DZIP3: variants seen among roughly 807,000 people sequenced by gnomAD.
DZIP3 encodes DAZ interacting zinc finger protein 3.
A neutral mutation model predicts 162.0 loss-of-function variants in DZIP3; 118 were observed. The ratio of observed to expected loss-of-function variants is 0.73; its 90% CI spans 0.63 to 0.85. DZIP3 has a LOEUF of 0.85. Among genes scored for constraint, DZIP3 ranks in the 40% least tolerant of loss-of-function variants. The probability of loss-of-function intolerance (pLI) is 0.00; values close to 1 mark genes in which losing one functional copy is unlikely to be tolerated. For synonymous variants in DZIP3, 438 were observed against 458.6 expected (o/e 0.96, Z 0.57); for missense variants, 1,331 against 1,407.0 (o/e 0.95, Z 0.86).
chr3:108,597,708 C>A (rs1484437029), intron 1 of DZIP3, among the ~76,000 whole-genome samples: 1 of 152,114 alleles, frequency 6.6e-6, no homozygotes, highest in African/African-American at 2.4e-5. Context: ...GTATGCACAC[C>A]TCAGGGGATA....
intron 22 of DZIP3, among the ~76,000 whole-genome samples, chr3:108,672,313 A>G (rs1943952361): frequency 6.6e-6 from 1 of 151,962 alleles, no homozygotes; most frequent in Non-Finnish European, 1.5e-5. Context: ...ATTCATCCTC[A>G]GACAACTTGA....
Position 108,622,880 on chromosome 3 carries a change from C to CTCTCTCTCTGTG in DZIP3, c.376-1563_376-1562insCTCTCTCTGTGT, listed in dbSNP as rs796232998. ...TCTCTCTCTCTCTCTCTCTCTCTCTCTGTGTGTGTGTGTGTGTATGGAGCT... is the reference window on the plus strand; with the variant it reads ...TCTCTCTCTCTCTCTCTCTCTCTCTCTCTCTCTCTGTGTGTGTGTGTGTGTGTGTATGGAGCT... On this transcript the variant is annotated intron_variant, in intron 5 of 32. Coordinates refer to ENST00000361582, the MANE Select transcript of DZIP3 (RefSeq NM_014648.4). Among the ~76,000 whole-genome samples, 327 of 53,070 alleles carry CTCTCTCTCTGTG rather than the reference C, an allele frequency of 6.2e-3. 5 individuals are homozygous for CTCTCTCTCTGTG. The highest frequency in any genetic ancestry group is 8.0e-3 in the Non-Finnish European group (224 of 28,090). The allele number at this position is 53,070 out of a possible 152,430, so 34.8% of individuals were successfully genotyped here.
At chr3:108,635,448 A>C (rs922547846) in intron 10 of DZIP3, 30 of 205,294 alleles carry the variant, frequency 1.5e-4, no homozygotes, top group African/African-American at 5.5e-4. Context: ...TAATATTTAC[A>C]TTTAGTTATA....
intron 21 of DZIP3, 99 bp from the exon 22 acceptor site, chr3:108,669,582 C>A: frequency 1.9e-6 from 2 of 1,029,882 alleles, no homozygotes; most frequent in Non-Finnish European, 2.8e-6. Context: ...CCCAAATGGA[C>A]ATACTTTATC....
intron 8 of DZIP3, among the ~76,000 whole-genome samples, chr3:108,632,037 C>T (rs904973599): frequency 1.5e-4 from 23 of 151,956 alleles, no homozygotes; most frequent in African/African-American, 4.4e-4. Context: ...TACATTGAGC[C>T]GATATTTGTG....
At chr3:108,655,129 A>G (rs777840178) in intron 19 of DZIP3, among the ~76,000 whole-genome samples, 1 of 152,180 alleles carries the variant, frequency 6.6e-6, no homozygotes, top group Non-Finnish European at 1.5e-5. Flanking sequence ...TTCTATAGCC[A>G]TGAGACTATG....
rs543058003 is a variant in DZIP3, at chr3:108,601,623, A to C, written c.-72-3712A>C. Among the ~76,000 whole-genome samples, 5 of 152,242 alleles carry C rather than the reference A, an allele frequency of 3.3e-5. No homozygotes were observed. The South Asian group carries it at 1.0e-3, about 32-fold the overall frequency. On this transcript the variant is annotated intron_variant, in intron 1 of 32. Coordinates refer to ENST00000361582, the MANE Select transcript of DZIP3 (RefSeq NM_014648.4). ...AGGGAGGGAAATTCACGGGACATCC[A>C]CCCACACTTTGAAATGTAAACTTGT...
rs767041095 is a variant in DZIP3 at position 108,688,938 on chromosome 3, T to C, written c.3516+14T>C. The C allele has an allele frequency of 1.3e-5, 21 of 1,611,422 alleles. No homozygotes were observed. The South Asian group carries it at 2.0e-4, about 15-fold the overall frequency. On this transcript the variant is annotated intron_variant, in intron 31 of 32. Transcript: ENST00000361582. ...TTCCATGCTCAGGTAACACTTTAAA[T>C]TTTCCCATTAATCAGCTAAATGAGA...
intron 26 of DZIP3, among the ~76,000 whole-genome samples, chr3:108,678,515 T>C (rs1049746388): frequency 1.3e-5 from 2 of 152,004 alleles, no homozygotes; most frequent in Non-Finnish European, 2.9e-5. Flanking sequence ...TTTTGTGAAG[T>C]TTTATATTCT....
Position 108,637,566 on chromosome 3 carries a change from T to C in DZIP3, c.1064+18T>C. 1 of 1,599,744 alleles carries C rather than the reference T, an allele frequency of 6.3e-7. No homozygotes were observed. On this transcript the variant is annotated intron_variant, in intron 12 of 32. Transcript: ENST00000361582. ...GGAGCAAGGTAAGCTTAAAATAAAATACTCTGTTACCTTTTTTGGAATATG... is the reference window on the plus strand; with the variant it reads ...GGAGCAAGGTAAGCTTAAAATAAAACACTCTGTTACCTTTTTTGGAATATG...
intron 19 of DZIP3, among the ~76,000 whole-genome samples, chr3:108,659,090 C>T (rs1288063389): frequency 1.2e-4 from 19 of 152,118 alleles, no homozygotes; most frequent in East Asian, 5.8e-4. Context: ...CCATTCCTTC[C>T]GAAACTATTC....
chr3:108,634,428 T>C (rs1942045179), intron 9 of DZIP3, among the ~76,000 whole-genome samples: 1 of 152,172 alleles, frequency 6.6e-6, no homozygotes, highest in Admixed American at 6.6e-5. Context: ...CCTCGGATTA[T>C]GCAGTAGCTC....
intron 1 of DZIP3, among the ~76,000 whole-genome samples, chr3:108,595,662 T>G (rs1393312738): frequency 6.6e-6 from 1 of 152,154 alleles, no homozygotes; most frequent in Non-Finnish European, 1.5e-5. Flanking sequence ...CTTTATTTCT[T>G]CTGGAAAAAT....
At chr3:108,603,639 T>C (rs1940158181) in intron 1 of DZIP3, among the ~76,000 whole-genome samples, 1 of 152,220 alleles carries the variant, frequency 6.6e-6, no homozygotes, top group African/African-American at 2.4e-5. Context: ...AGAAAGCTCT[T>C]TTAAATGAAA....
At chr3:108,612,591 A>G (rs979422863) in intron 4 of DZIP3, among the ~76,000 whole-genome samples, 2 of 152,174 alleles carry the variant, frequency 1.3e-5, no homozygotes, top group African/African-American at 4.8e-5. Context: ...CAAAAATCCA[A>G]GGATGCCCAA....
chr3:108,616,426 C>T, intron 4 of DZIP3, 115 bp from the exon 5 acceptor site: 1 of 666,702 alleles, frequency 1.5e-6, no homozygotes, highest in East Asian at 3.0e-5. Flanking sequence ...TTTAAACCGT[C>T]TTTATCTCTA....
Position 108,625,945 on chromosome 3 carries a change from G to A in DZIP3, c.557G>A (p.Gly186Asp), listed in dbSNP as rs762071889. 2.5e-6 allele frequency: 4 copies of A among 1,613,382 alleles called. No individual in the cohort carries two copies. Among genetic ancestry groups the A allele is most frequent in the South Asian group, 2.2e-5 (2 of 90,840 alleles). ...NFMSLVYFGR[G>D]LLRCAQKRYN... ...ATGTCTTTAGTTTATTTTGGACGTG[G>A]TTTACTGCGATGTGCTCAAAAGAGG... The change falls in exon 7 of 33, where the codon GGT becomes GAT. Residue 186 changes from glycine to aspartate, a missense_variant. By Grantham distance (94) the Gly-to-Asp change is moderately conservative. This residue lies in a region of DZIP3 where 1,278 missense variants were observed against 1,317.1 expected (regional missense o/e 0.97). Coordinates refer to ENST00000361582, the MANE Select transcript of DZIP3 (RefSeq NM_014648.4).
Position 108,609,118 on chromosome 3 carries a change from A to G in DZIP3, c.102+960A>G, listed in dbSNP as rs1402151154. 7.2e-5 allele frequency among the ~76,000 whole-genome samples: 11 copies of G among 152,044 alleles called. No individual in the cohort carries two copies. The East Asian group carries it at 2.1e-3, about 29-fold the overall frequency. On this transcript the variant is annotated intron_variant, in intron 3 of 32. Transcript: ENST00000361582. ...GGGAGATGATGCTAAACTATTAGAA[A>G]CCACCCCCATGATCCAATCACCTCC... is the stretch of plus-strand genomic sequence containing the variant.
chr3:108,684,423 G>T (rs1294097028), intron 27 of DZIP3, 82 bp downstream of exon 27: 49 of 1,485,518 alleles, frequency 3.3e-5, no homozygotes, highest in Admixed American at 4.3e-5. Flanking sequence ...TCTTCATTTT[G>T]TTCATTCATT....
Sources: allele counts gnomAD v4.1 joint callset (sites outside exome capture counted in the v4.1 genomes callset), GRCh38; gene constraint gnomAD v4.1.1; regional missense constraint gnomAD v4.1.1; transcripts MANE v1.5; gene names NCBI Gene and HGNC (gene_info 2026-07-23, HGNC 2026-07-21).